The following PAK2 variants were observed in gnomAD, a reference collection of about 807,000 sequenced individuals.
PAK2 encodes the protein p21 (RAC1) activated kinase 2.
PAK2 carries 21 observed loss-of-function variants against 65.9 expected under a neutral mutation model. The ratio of observed to expected loss-of-function variants is 0.32; its 90% CI spans 0.23 to 0.46. The LOEUF is 0.46. PAK2 is among the 20% of genes least tolerant of loss of function. The pLI, the probability that PAK2 is intolerant of heterozygous loss-of-function variation, is 1.00. For synonymous variants in PAK2, 204 were observed against 219.7 expected, an observed-to-expected ratio of 0.93 and a Z score of 0.63; for missense variants, 324 against 642.6, an observed-to-expected ratio of 0.50 and a Z score of 5.36.
At chr3:196,757,463 G>A (rs1233525775) in intron 1 of PAK2, among the ~76,000 whole-genome samples, 1 of 152,142 alleles carries the variant, frequency 6.6e-6, no homozygotes, top group East Asian at 1.9e-4. Context: ...AACTTCTAGT[G>A]TGAAAATATC....
chr3:196,822,697 C>CA (rs929464272), intron 13 of PAK2, among the ~76,000 whole-genome samples: 3 of 151,222 alleles, frequency 2.0e-5, no homozygotes, highest in Admixed American at 6.6e-5. Flanking sequence ...GGACCTGTCT[C>CA]AAAAAAAATA....
chr3:196,793,863 G>T (rs147697226), intron 2 of PAK2, among the ~76,000 whole-genome samples: 1 of 152,226 alleles, frequency 6.6e-6, no homozygotes, highest in Non-Finnish European at 1.5e-5. Context: ...TGGAGCGGTG[G>T]CTCACACCTG....
chr3:196,799,821 C>T (rs1327959568), intron 2 of PAK2, among the ~76,000 whole-genome samples: 4 of 152,094 alleles, frequency 2.6e-5, no homozygotes, highest in Non-Finnish European at 5.9e-5. Context: ...GCCATGTTGG[C>T]CAGATGGGTC....
rs1018527689 is a variant in PAK2 at position 196,803,170 on chromosome 3, A to G, written c.436+6A>G. On this transcript the variant is annotated splice_donor_region_variant and intron_variant, in intron 4 of 14. Transcript: ENST00000327134. ...TCTGAGCTTTACTCCTCCTGGTAAG[A>G]GAGTGGCATAAGGCTGGATCAGATG... is the stretch of plus-strand genomic sequence containing the variant. 1.3e-6 allele frequency: 2 copies of G among 1,595,738 alleles called. No homozygotes were observed. Among genetic ancestry groups the G allele is most frequent in the Admixed American group, 3.5e-5 (2 of 56,504 alleles).
chr3:196,804,343 A>G (rs1715512292), intron 4 of PAK2, among the ~76,000 whole-genome samples: 1 of 152,202 alleles, frequency 6.6e-6, no homozygotes, highest in Admixed American at 6.5e-5. Context: ...TTTTCTATCA[A>G]CCAGTAAGTC....
intron 6 of PAK2, among the ~76,000 whole-genome samples, chr3:196,806,887 T>G (rs1477454386): frequency 6.6e-6 from 1 of 152,194 alleles, no homozygotes; most frequent in Non-Finnish European, 1.5e-5. Context: ...ATGTGATGTC[T>G]TTAAAAGTTA....
At chr3:196,799,624 C>T (rs947017389) in intron 2 of PAK2, among the ~76,000 whole-genome samples, 3 of 152,156 alleles carry the variant, frequency 2.0e-5, no homozygotes, top group Non-Finnish European at 1.5e-5. Flanking sequence ...ACCTGGAGGA[C>T]TTTCCAGCCT....
chr3:196,811,075 T>C (rs1243779676), intron 8 of PAK2, among the ~76,000 whole-genome samples: 9 of 151,954 alleles, frequency 5.9e-5, no homozygotes, highest in Admixed American at 2.0e-4. Context: ...CTAAACTCCT[T>C]TTTTCTGTTG....
Position 196,814,630 on chromosome 3 carries a change from G to A in PAK2, c.1053+62G>A. ...TGTGGTTAGCAAGAAGTGAACAAAA[G>A]GAAATTTTTCTGCACAGGTAATTGT... On this transcript the variant is annotated intron_variant, in intron 11 of 14. Coordinates refer to ENST00000327134, the MANE Select transcript of PAK2 (RefSeq NM_002577.4). 3 of 761,438 alleles carry A rather than the reference G, an allele frequency of 3.9e-6. No homozygotes were observed. The South Asian group carries it at 4.6e-5, about 12-fold the overall frequency. 47.2% of individuals were successfully genotyped at this position (761,438 alleles called of 1,614,324 possible).
chr3:196,747,365 T>C (rs1327751793), intron 1 of PAK2: 1 of 152,184 alleles, frequency 6.6e-6, no homozygotes, highest in Non-Finnish European at 1.5e-5. Flanking sequence ...ACCTTTAATG[T>C]TCTTAATTTG....
intron 1 of PAK2, among the ~76,000 whole-genome samples, chr3:196,743,035 A>C (rs1277849622): frequency 6.6e-6 from 1 of 152,200 alleles, no homozygotes; most frequent in Non-Finnish European, 1.5e-5. Flanking sequence ...GAGGGTGTTA[A>C]TTGCAAATTG....
chr3:196,772,267 G>A (rs887918473), intron 1 of PAK2, among the ~76,000 whole-genome samples: 3 of 152,156 alleles, frequency 2.0e-5, no homozygotes, highest in African/African-American at 7.2e-5. Context: ...GGCAGACTGG[G>A]TTTTACTACC....
At chr3:196,765,072 C>T (rs1714115914) in intron 1 of PAK2, among the ~76,000 whole-genome samples, 1 of 150,538 alleles carries the variant, frequency 6.6e-6, no homozygotes, top group African/African-American at 2.4e-5. Context: ...TCTCGATCTT[C>T]TGACCTCGTG....
chr3:196,810,511 C>G (rs575876323), intron 7 of PAK2, 79 bp from the exon 8 acceptor site: 10 of 781,702 alleles, frequency 1.3e-5, no homozygotes, highest in South Asian at 8.8e-5. Flanking sequence ...CAGTGGAGTT[C>G]ATTAAAAGGA....
Position 196,826,294 on chromosome 3 carries a change from C to A in PAK2, c.1351-902C>A, listed in dbSNP as rs373914612. Reference sequence around the variant, plus strand: ...TCACGTCATTGTCCTGCCTCAGCCTCCCGAGTAGCTGGGACTACAGGCGCC... The same window carrying A: ...TCACGTCATTGTCCTGCCTCAGCCTACCGAGTAGCTGGGACTACAGGCGCC... On this transcript the variant is annotated intron_variant, in intron 13 of 14. Coordinates refer to ENST00000327134, the MANE Select transcript of PAK2 (RefSeq NM_002577.4). 3.9e-5 allele frequency among the ~76,000 whole-genome samples: 6 copies of A among 152,166 alleles called. No homozygotes were observed. The South Asian group carries it at 1.2e-3, about 32-fold the overall frequency.
chr3:196,798,371 T>G, intron 2 of PAK2, among the ~76,000 whole-genome samples: 3 of 147,812 alleles, frequency 2.0e-5, no homozygotes, highest in African/African-American at 2.5e-5. Flanking sequence ...GGAGAAGGAG[T>G]CTTGCTTTGT....
In PAK2 at chr3:196,832,359, T is replaced by A. The variant is rs1712119213; in HGVS notation, c.*3954T>A. The A allele has an allele frequency of 6.6e-6, 1 of 152,208 alleles. No homozygotes were observed. The highest frequency in any genetic ancestry group is 2.1e-4 in the South Asian group (1 of 4,836). The allele number at this position is 152,208 out of a possible 1,614,324, so 9.4% of individuals were successfully genotyped here. ...TTTGTCTTTTCTGTTGTCTTCAAAT[T>A]TTATGCCTTTTATTTTTAATTTAAT... On this transcript the variant is annotated 3_prime_UTR_variant, in exon 15 of 15. Coordinates refer to ENST00000327134, the MANE Select transcript of PAK2 (RefSeq NM_002577.4).
intron 8 of PAK2, among the ~76,000 whole-genome samples, chr3:196,811,266 T>TTCCCTTCCC (rs1560113729): frequency 0.016 from 174 of 11,150 alleles, no homozygotes; most frequent in Non-Finnish European, 0.022. Flanking sequence ...CCTCCCTTCC[T>TTCCCTTCCC]TCCCTTCCCT....
intron 5 of PAK2, among the ~76,000 whole-genome samples, chr3:196,805,682 C>G (rs1053060741): frequency 3.3e-5 from 5 of 152,050 alleles, no homozygotes; most frequent in Non-Finnish European, 5.9e-5. Context: ...ATATTTTCCT[C>G]TCCATCCCTC....
Sources: gnomAD v4.1 joint callset for allele counts (sites outside exome capture counted in the v4.1 genomes callset) on GRCh38, gnomAD v4.1.1 for gene constraint, MANE v1.5 for transcripts, NCBI Gene and HGNC (gene_info 2026-07-23, HGNC 2026-07-21) for gene names.